Variants in NAV1 observed in about 807,000 individuals in gnomAD.
The protein encoded by NAV1 is pore membrane and/or filament interacting like protein 3.
Under a neutral mutation model 175.2 loss-of-function variants are expected in NAV1, and 18 were observed. The observed-to-expected ratio is 0.10, with a 90% CI of 0.07 to 0.15. The LOEUF (loss-of-function observed/expected upper bound fraction) is 0.15. Among genes scored for constraint, NAV1 ranks in the 10% least tolerant of loss-of-function variants. The pLI is 1.00. For missense variants in NAV1, 1,731 were observed against 2,436.6 expected (o/e 0.71, Z 6.10); for synonymous variants, 897 against 978.7 (o/e 0.92, Z 1.56).
chr1:201,594,165 C>T (rs886149397), intron 2 of NAV1, among the ~76,000 whole-genome samples: 2 of 151,768 alleles, frequency 1.3e-5, no homozygotes, highest in African/African-American at 2.4e-5. Context: ...GCGGGTTGCC[C>T]GGGAGTGGTA....
intron 1 of NAV1, among the ~76,000 whole-genome samples, chr1:201,580,793 GA>G (rs1666833481): frequency 6.6e-6 from 1 of 152,066 alleles, no homozygotes; most frequent in Non-Finnish European, 1.5e-5. Context: ...AAAAGAATAT[GA>G]GATATTCTGG....
At chr1:201,802,548 A>G (rs1175655558) in intron 15 of NAV1, among the ~76,000 whole-genome samples, 1 of 151,118 alleles carries the variant, frequency 6.6e-6, no homozygotes, top group African/African-American at 2.4e-5. Context: ...TGGGAGGCTG[A>G]GGTGGGTGGA....
rs1474915428 is a variant in NAV1, at chr1:201,799,176, C to G, written c.3518-4417C>G. On this transcript the variant is annotated intron_variant, in intron 15 of 29. Coordinates refer to ENST00000367296, the Ensembl canonical transcript of NAV1. ...ACTTATTTTCAAATTGTTCAAGAAA[C>G]TGTGTGTGTGTGTGTGTGTGGAGAG... Among the ~76,000 whole-genome samples the G allele has an allele frequency of 4.6e-5, 7 of 150,700 alleles. No individual in the cohort carries two copies. In the East Asian group the frequency reaches 1.4e-3, roughly 29 times the overall value.
At chr1:201,709,607 AC>A (rs1671812875) in intron 1 of NAV1, among the ~76,000 whole-genome samples, 1 of 151,906 alleles carries the variant, frequency 6.6e-6, no homozygotes, top group Non-Finnish European at 1.5e-5. Context: ...CTCCAGACCC[AC>A]CCTGGGCTGA....
chr1:201,702,672 TTCTCTCTCTCTCTC>T (rs756726434), intron 1 of NAV1, among the ~76,000 whole-genome samples: 4 of 1,718 alleles, frequency 2.3e-3, no homozygotes, highest in African/African-American at 3.0e-3. Context: ...GGTATGTGAA[TTCTCTCTCTCTCTC>T]TCTCTCTCTC....
At position 201,700,982 on chromosome 1, in the gene NAV1, G is replaced by A. The variant is rs1219147907; in HGVS notation, c.758-11835G>A. Among the ~76,000 whole-genome samples, 4 of 128,134 alleles carry A rather than the reference G, an allele frequency of 3.1e-5. No individual in the cohort carries two copies. In the South Asian group the frequency reaches 1.1e-3, roughly 34 times the overall value. The allele number at this position is 128,134 out of a possible 152,430, so 84.1% of individuals were successfully genotyped here. A position where few individuals can be genotyped will look rare whatever the true frequency, so the allele number is the denominator to read the frequency against. On this transcript the variant is annotated intron_variant, in intron 1 of 29. Coordinates refer to ENST00000367296, the Ensembl canonical transcript of NAV1. ...GCCGAGATCCTGCCACTGCACTCCA[G>A]CCTGGGGACAGAGTGAGACTCTGTC...
In NAV1 at chr1:201,548,842, A is replaced by C. The variant is rs191148898; in HGVS notation, c.-144+9500A>C. Among the ~76,000 whole-genome samples, 7 of 152,356 alleles carry C rather than the reference A, an allele frequency of 4.6e-5. No individual in the cohort carries two copies. In the East Asian group the frequency reaches 1.4e-3, roughly 29 times the overall value. ...TGTCTAACTCCTTTGGTAATGATAGATATTGTCTACAGGTGACAAAACAGG... is the reference window on the plus strand; with the variant it reads ...TGTCTAACTCCTTTGGTAATGATAGCTATTGTCTACAGGTGACAAAACAGG... On this transcript the variant is annotated intron_variant, in intron 1 of 33. Coordinates refer to the NAV1 transcript ENST00000685211.
intron 3 of NAV1, among the ~76,000 whole-genome samples, chr1:201,742,173 A>T (rs1673466230): frequency 6.6e-6 from 1 of 152,244 alleles, no homozygotes; most frequent in Non-Finnish European, 1.5e-5. Context: ...GGGGGAGCTT[A>T]GCCCAAGCCT....
chr1:201,786,719 C>A, intron 9 of NAV1, 142 bp downstream of exon 13: 1 of 813,190 alleles, frequency 1.2e-6, no homozygotes, highest in Non-Finnish European at 1.9e-6. Context: ...TCAGTTTATC[C>A]ACCCAAAGTA....
chr1:201,631,481 T>C (rs1668477868), intron 2 of NAV1, among the ~76,000 whole-genome samples: 1 of 152,262 alleles, frequency 6.6e-6, no homozygotes, highest in Non-Finnish European at 1.5e-5. Flanking sequence ...TGCTGAACAC[T>C]GTGCTTGACA....
At chr1:201,720,585 G>T (rs1672340704) in intron 3 of NAV1, among the ~76,000 whole-genome samples, 1 of 152,318 alleles carries the variant, frequency 6.6e-6, no homozygotes, top group Middle Eastern at 3.4e-3. Context: ...AAGGTGGCAG[G>T]ACTTCCGGCT....
At chr1:201,817,928 T>G (rs1679161694) in intron 29 of NAV1, among the ~76,000 whole-genome samples, 1 of 151,764 alleles carries the variant, frequency 6.6e-6, no homozygotes, top group Non-Finnish European at 1.5e-5. Flanking sequence ...AACAGAAGAA[T>G]GGATAAAAGA....
At chr1:201,583,591 G>T (rs889869281) in intron 1 of NAV1, among the ~76,000 whole-genome samples, 2 of 152,200 alleles carry the variant, frequency 1.3e-5, no homozygotes, top group Non-Finnish European at 2.9e-5. Context: ...GCCCTGGAAT[G>T]GTTCTGTTAC....
At chr1:201,635,978 G>A (rs1031420591) in intron 2 of NAV1, among the ~76,000 whole-genome samples, 1 of 152,226 alleles carries the variant, frequency 6.6e-6, no homozygotes, top group Non-Finnish European at 1.5e-5. Context: ...ACAAGTTTCA[G>A]CTATGGGAGG....
chr1:201,758,297 C>T (rs1245327517), intron 3 of NAV1, among the ~76,000 whole-genome samples: 1 of 152,194 alleles, frequency 6.6e-6, no homozygotes, highest in Non-Finnish European at 1.5e-5. Context: ...CATTCTACTG[C>T]AGGCATATGA....
chr1:201,643,508 G>A (rs1446151120), upstream of NAV1, among the ~76,000 whole-genome samples: 5 of 148,966 alleles, frequency 3.4e-5, no homozygotes, highest in Admixed American at 6.7e-5. Context: ...CACAACCTCC[G>A]CCTCCCAGGC....
chr1:201,760,284 C>A (rs1003382394), intron 3 of NAV1, among the ~76,000 whole-genome samples: 1 of 152,144 alleles, frequency 6.6e-6, no homozygotes, highest in Non-Finnish European at 1.5e-5. Context: ...CTTGGCAACA[C>A]GGTGAAACCC....
At chr1:201,780,329 G>A (rs1690800270) in intron 3 of NAV1, 92 bp from the exon 8 acceptor site, 5 of 1,490,510 alleles carry the variant, frequency 3.4e-6, no homozygotes, top group Admixed American at 3.5e-5. Context: ...CCTATATACT[G>A]GTGCAGAGCC....
intron 17 of NAV1, among the ~76,000 whole-genome samples, chr1:201,805,852 G>A (rs1310886306): frequency 6.6e-6 from 1 of 152,120 alleles, no homozygotes; most frequent in Non-Finnish European, 1.5e-5. Context: ...AGCCTGGGAG[G>A]TGGAGGTTGA....
Sources: gnomAD v4.1 joint callset for allele counts (sites outside exome capture counted in the v4.1 genomes callset) on GRCh38, gnomAD v4.1.1 for gene constraint, MANE v1.5 for transcripts, NCBI Gene and HGNC (gene_info 2026-07-23, HGNC 2026-07-21) for gene names.